EYS: variants seen among roughly 807,000 people sequenced by gnomAD.
EYS encodes EGF-like photoreceptor maintenance factor.
Under a neutral mutation model 282.1 loss-of-function variants are expected in EYS, and 250 were observed. That is an observed-to-expected ratio of 0.89 (90% CI 0.80 to 0.98). The LOEUF is 0.98. Ranked by LOEUF, EYS falls within the 50% of genes least tolerant of loss-of-function variation. The pLI is 0.00. For synonymous variants in EYS, 1,355 were observed against 1,282.9 expected (o/e 1.06, Z -1.20); for missense variants, 4,016 against 3,709.0 (o/e 1.08, Z -2.15).
intron 19 of EYS, among the ~76,000 whole-genome samples, chr6:64,879,884 A>G (rs908943894): frequency 1.3e-5 from 2 of 152,080 alleles, no homozygotes; most frequent in Non-Finnish European, 2.9e-5. Flanking sequence ...AAATGGTAGT[A>G]TAATTGTGCC....
intron 22 of EYS, among the ~76,000 whole-genome samples, chr6:64,689,689 T>A (rs1219115984): frequency 2.6e-5 from 4 of 152,168 alleles, no homozygotes; most frequent in Non-Finnish European, 5.9e-5. Context: ...TAGAACCATC[T>A]GATCTTTGAC....
At chr6:64,432,166 G>A (rs1366213288) in intron 28 of EYS, among the ~76,000 whole-genome samples, 2 of 152,074 alleles carry the variant, frequency 1.3e-5, no homozygotes, top group Non-Finnish European at 2.9e-5. Flanking sequence ...ACCACCTGCT[G>A]CCAAAGGGCC....
At chr6:63,928,608 A>G (rs1320511661) in intron 35 of EYS, among the ~76,000 whole-genome samples, 1 of 152,172 alleles carries the variant, frequency 6.6e-6, no homozygotes, top group African/African-American at 2.4e-5. Context: ...ATATCGTTAC[A>G]TATATTCTAT....
intron 22 of EYS, among the ~76,000 whole-genome samples, chr6:64,679,983 T>A (rs2149903405): frequency 6.6e-6 from 1 of 152,250 alleles, no homozygotes; most frequent in African/African-American, 2.4e-5. Context: ...CAGGCCAAAT[T>A]TTTACATAGG....
intron 35 of EYS, among the ~76,000 whole-genome samples, chr6:63,888,481 C>A (rs543951426): frequency 6.6e-6 from 1 of 152,176 alleles, no homozygotes; most frequent in Non-Finnish European, 1.5e-5. Context: ...CCTCCATTGG[C>A]GATACCCAGG....
intron 1 of EYS, among the ~76,000 whole-genome samples, chr6:65,664,486 T>G (rs1248151670): frequency 6.6e-6 from 1 of 152,050 alleles, no homozygotes; most frequent in African/African-American, 2.4e-5. Context: ...TTAAAGAAAG[T>G]TGAAGAGAGG....
chr6:63,739,250 A>G (rs574992263), intron 41 of EYS, among the ~76,000 whole-genome samples: 2 of 152,180 alleles, frequency 1.3e-5, no homozygotes, highest in South Asian at 4.2e-4. Context: ...TCTGGGATGG[A>G]ACTTAGTGTA....
At chr6:65,160,602 G>C (rs1764829837) in intron 12 of EYS, among the ~76,000 whole-genome samples, 1 of 150,696 alleles carries the variant, frequency 6.6e-6, no homozygotes, top group African/African-American at 2.4e-5. Context: ...CACACTTTTT[G>C]TAGATGTCTC....
At chr6:63,980,526 C>G (rs1393595866) in intron 35 of EYS, among the ~76,000 whole-genome samples, 4 of 151,794 alleles carry the variant, frequency 2.6e-5, no homozygotes, top group Non-Finnish European at 5.9e-5. Flanking sequence ...CTCTTTTATT[C>G]TGAACATAAA....
chr6:65,026,287 G>A (rs1772405820), intron 13 of EYS, among the ~76,000 whole-genome samples: 2 of 152,168 alleles, frequency 1.3e-5, no homozygotes, highest in South Asian at 4.1e-4. Flanking sequence ...GAACTGCACT[G>A]TAGACATTCT....
intron 20 of EYS, 34 bp from the exon 21 acceptor site, chr6:64,821,757 A>G: frequency 8.1e-7 from 1 of 1,233,504 alleles, no homozygotes; most frequent in South Asian, 1.4e-5. Context: ...ATTTTCAAAT[A>G]AGTAGATGTT....
intron 29 of EYS, among the ~76,000 whole-genome samples, chr6:64,382,348 A>G (rs1582677453): frequency 6.6e-6 from 1 of 152,078 alleles, no homozygotes; most frequent in South Asian, 2.1e-4. Flanking sequence ...TAACTTGGTA[A>G]CCTTCCCTAC....
chr6:65,276,908 AT>A (rs1432294582), intron 12 of EYS, among the ~76,000 whole-genome samples: 4 of 152,268 alleles, frequency 2.6e-5, no homozygotes, highest in Admixed American at 2.0e-4. Flanking sequence ...TGTATAAAAT[AT>A]TTTTTATTGT....
chr6:63,999,236 A>G, intron 33 of EYS, 53 bp from the exon 34 acceptor site: 1 of 1,166,228 alleles, frequency 8.6e-7, no homozygotes, highest in Non-Finnish European at 1.3e-6. Flanking sequence ...GCAAGAAAGG[A>G]GTAACTTCAC....
chr6:65,337,384 A>T (rs9453254), intron 10 of EYS, among the ~76,000 whole-genome samples: 3,080 of 151,552 alleles, frequency 0.02, 99 homozygotes, highest in African/African-American at 0.07. Context: ...GATTTTCTAC[A>T]TCCAGAGGAT....
At chr6:64,548,116 C>T (rs1324624572) in intron 26 of EYS, among the ~76,000 whole-genome samples, 1 of 152,200 alleles carries the variant, frequency 6.6e-6, no homozygotes, top group African/African-American at 2.4e-5. Flanking sequence ...TCCCACCATG[C>T]AGCAGAGGGC....
intron 36 of EYS, among the ~76,000 whole-genome samples, chr6:63,832,252 C>T (rs1771662047): frequency 6.6e-6 from 1 of 152,060 alleles, no homozygotes; most frequent in South Asian, 2.1e-4. Context: ...CACAAAAAAC[C>T]CTTCAAAAAA....
At chr6:65,334,353 C>T (rs1338995413) in intron 11 of EYS, among the ~76,000 whole-genome samples, 1 of 151,814 alleles carries the variant, frequency 6.6e-6, no homozygotes, top group African/African-American at 2.4e-5. Context: ...CTTCTAACTC[C>T]TGGGCTCAAG....
chr6:64,068,306 TTTAG>T (rs1181390324), intron 32 of EYS, among the ~76,000 whole-genome samples: 6 of 152,168 alleles, frequency 3.9e-5, no homozygotes, highest in African/African-American at 1.4e-4. Context: ...CATATTTATA[TTTAG>T]TTGTTTCTTT....
Sources: gnomAD v4.1 joint callset for allele counts (sites outside exome capture counted in the v4.1 genomes callset) on GRCh38, gnomAD v4.1.1 for gene constraint, MANE v1.5 for transcripts, NCBI Gene and HGNC (gene_info 2026-07-23, HGNC 2026-07-21) for gene names.